The following PTK2 variants were observed in gnomAD, a reference collection of about 807,000 sequenced individuals.
PTK2 encodes protein tyrosine kinase 2, also known as focal adhesion kinase 1.
In PTK2, 45 loss-of-function variants were observed where a neutral mutation model predicts 150.1. That is an observed-to-expected ratio of 0.30 (90% CI 0.24 to 0.38). PTK2 has a LOEUF of 0.38. PTK2 is among the 10% of genes least tolerant of loss of function. The pLI, the probability that PTK2 is intolerant of heterozygous loss-of-function variation, is 1.00. For synonymous variants in PTK2, 432 were observed against 449.2 expected (o/e 0.96, Z 0.48); for missense variants, 919 against 1,307.3 (o/e 0.70, Z 4.58).
At chr8:140,857,820 C>A (rs1258416122) in intron 5 of PTK2, among the ~76,000 whole-genome samples, 2 of 152,122 alleles carry the variant, frequency 1.3e-5, no homozygotes, top group African/African-American at 4.8e-5. Context: ...CAAATACAAA[C>A]CTTTAGAGGA....
chr8:140,717,476 A>T, intron 23 of PTK2, 122 bp downstream of exon 26: 1 of 730,552 alleles, frequency 1.4e-6, no homozygotes, highest in Non-Finnish European at 2.4e-6. Flanking sequence ...AGTTGGTGTT[A>T]TAACTATTAC....
chr8:140,965,073 C>A (rs1308015762), intron 1 of PTK2, among the ~76,000 whole-genome samples: 2 of 152,072 alleles, frequency 1.3e-5, no homozygotes, highest in African/African-American at 4.8e-5. Context: ...TCGGCCTGGG[C>A]ATTAGGAAAC....
chr8:140,839,181 T>C (rs896424172), intron 7 of PTK2, among the ~76,000 whole-genome samples: 1 of 151,976 alleles, frequency 6.6e-6, no homozygotes, highest in Admixed American at 6.6e-5. Context: ...GGGAAACTGT[T>C]TTTGGGTTTC....
intron 2 of PTK2, among the ~76,000 whole-genome samples, chr8:140,911,635 C>T (rs1461540954): frequency 6.6e-6 from 1 of 152,114 alleles, no homozygotes; most frequent in Non-Finnish European, 1.5e-5. Flanking sequence ...CTTATGACTA[C>T]CACCCTAGAC....
exon 32 of PTK2, chr8:140,658,359 T>G (rs538834264): frequency 5.7e-6 from 1 of 176,942 alleles, no homozygotes; most frequent in South Asian, 2.0e-4. Context: ...TGAAAAGCCA[T>G]CTGAAGAAAC....
chr8:140,717,862 C>T (rs1306770669), intron 22 of PTK2, 153 bp from the exon 26 acceptor site: 1 of 576,736 alleles, frequency 1.7e-6, no homozygotes, highest in Non-Finnish European at 3.1e-6. Context: ...GATCAGGTTT[C>T]TAACTCTCCA....
At chr8:140,703,486 T>C (rs2100031924) in intron 24 of PTK2, among the ~76,000 whole-genome samples, 1 of 152,102 alleles carries the variant, frequency 6.6e-6, no homozygotes, top group Non-Finnish European at 1.5e-5. Context: ...ACTAAAATAA[T>C]GAGGGCAGGC....
chr8:140,683,339 C>T (rs761355292), intron 27 of PTK2, among the ~76,000 whole-genome samples: 2 of 152,148 alleles, frequency 1.3e-5, no homozygotes, highest in Non-Finnish European at 2.9e-5. Flanking sequence ...ATAATGAGCT[C>T]TGAAATTGAA....
At chr8:140,978,471 A>T (rs994205615) in intron 1 of PTK2, among the ~76,000 whole-genome samples, 9 of 152,252 alleles carry the variant, frequency 5.9e-5, no homozygotes, top group African/African-American at 1.9e-4. Flanking sequence ...GACACTTCTC[A>T]AAAGAAGACA....
At chr8:140,942,160 T>C (rs2100176055) in intron 1 of PTK2, among the ~76,000 whole-genome samples, 1 of 152,214 alleles carries the variant, frequency 6.6e-6, no homozygotes, top group South Asian at 2.1e-4. Context: ...ATTACAGGCA[T>C]GAACCTCTGC....
intron 1 of PTK2, among the ~76,000 whole-genome samples, chr8:140,962,569 C>A (rs771112095): frequency 2.0e-5 from 3 of 151,982 alleles, no homozygotes; most frequent in Admixed American, 1.3e-4. Flanking sequence ...GAGGCCGAGG[C>A]GTGTAGATCA....
chr8:140,828,393 CACCTGTGACCTGT>C (rs1468961123), intron 8 of PTK2, among the ~76,000 whole-genome samples: 1 of 152,130 alleles, frequency 6.6e-6, no homozygotes, highest in Non-Finnish European at 1.5e-5. Context: ...CACACCATGG[CACCTGTGACCTGT>C]ACCTGTGGTT....
chr8:140,769,674 G>T, intron 14 of PTK2, 82 bp from the exon 16 acceptor site: 1 of 861,854 alleles, frequency 1.2e-6, no homozygotes, highest in Admixed American at 2.6e-5. Context: ...GGGAAGAGAG[G>T]GGAAAACACT....
chr8:140,903,430 G>A (rs1019016924), intron 2 of PTK2, among the ~76,000 whole-genome samples: 4 of 152,144 alleles, frequency 2.6e-5, no homozygotes, highest in African/African-American at 9.7e-5. Flanking sequence ...TTGAAGTCAG[G>A]TAGCATGATG....
At chr8:140,761,861 A>C (rs1217917483) in intron 15 of PTK2, among the ~76,000 whole-genome samples, 1 of 152,120 alleles carries the variant, frequency 6.6e-6, no homozygotes, top group African/African-American at 2.4e-5. Flanking sequence ...TCAAGGTTGG[A>C]TGTATCAACA....
chr8:140,972,576 T>G (rs1208939383), intron 1 of PTK2, among the ~76,000 whole-genome samples: 2 of 152,200 alleles, frequency 1.3e-5, no homozygotes, highest in African/African-American at 2.4e-5. Flanking sequence ...CAATTACTGT[T>G]TTTATATTTT....
At chr8:140,750,341 T>C (rs1305590916) in intron 17 of PTK2, 1 of 152,204 alleles carries the variant, frequency 6.6e-6, no homozygotes, top group Admixed American at 6.5e-5. Context: ...TGTCAAGTAC[T>C]GTGCAGGACA....
chr8:140,969,843 T>G (rs1024317056), intron 1 of PTK2, among the ~76,000 whole-genome samples: 1 of 152,242 alleles, frequency 6.6e-6, no homozygotes, highest in South Asian at 2.1e-4. Context: ...TACCACCTTC[T>G]ATATTCACCT....
intron 4 of PTK2, among the ~76,000 whole-genome samples, chr8:140,877,189 C>T (rs535336842): frequency 2.0e-5 from 3 of 151,860 alleles, no homozygotes; most frequent in Non-Finnish European, 2.9e-5. Context: ...CCCGCCACCA[C>T]GCCTGGCTAA....
Sources: allele counts gnomAD v4.1 joint callset (sites outside exome capture counted in the v4.1 genomes callset), GRCh38; gene constraint gnomAD v4.1.1; transcripts MANE v1.5; gene names NCBI Gene and HGNC (gene_info 2026-07-23, HGNC 2026-07-21).